The following BNC2 variants were observed in gnomAD, a reference collection of about 807,000 sequenced individuals.
The protein encoded by BNC2 is zinc finger protein basonuclin-2.
In BNC2, 20 loss-of-function variants were observed where a neutral mutation model predicts 76.3. That is an observed-to-expected ratio of 0.26 (90% confidence interval 0.18 to 0.38). The LOEUF (loss-of-function observed/expected upper bound fraction) is 0.38, where lower values mean the gene tolerates loss of function less well. Ranked by LOEUF, BNC2 falls within the 10% of genes least tolerant of loss-of-function variation. The pLI is 1.00. For synonymous variants in BNC2, 582 were observed against 514.8 expected, an observed-to-expected ratio of 1.13 and a Z score of -1.77; for missense variants, 1,382 against 1,399.8, an observed-to-expected ratio of 0.99 and a Z score of 0.20.
chr9:16,809,833 C>G (rs1161117951), intron 1 of BNC2, among the ~76,000 whole-genome samples: 1 of 152,148 alleles, frequency 6.6e-6, no homozygotes, highest in Non-Finnish European at 1.5e-5. Context: ...TCTTCTGACT[C>G]AAAATTCTGA....
intron 3 of BNC2, among the ~76,000 whole-genome samples, chr9:16,704,092 T>C (rs1363567596): frequency 6.6e-6 from 1 of 152,142 alleles, no homozygotes. Flanking sequence ...CTCCTATACA[T>C]TGGGGGAAAA....
intron 3 of BNC2, among the ~76,000 whole-genome samples, chr9:16,707,774 T>C (rs1007651705): frequency 6.6e-6 from 1 of 152,158 alleles, no homozygotes; most frequent in African/African-American, 2.4e-5. Flanking sequence ...CCTGAGTAGC[T>C]GGGACTACAA....
At chr9:16,681,075 T>C (rs927301033) in intron 3 of BNC2, among the ~76,000 whole-genome samples, 3 of 152,194 alleles carry the variant, frequency 2.0e-5, no homozygotes, top group African/African-American at 7.2e-5. Context: ...GGAAGTCCTG[T>C]GAAACCAACA....
chr9:16,638,078 T>G (rs1420583262), intron 3 of BNC2, among the ~76,000 whole-genome samples: 2 of 152,200 alleles, frequency 1.3e-5, no homozygotes, highest in Non-Finnish European at 2.9e-5. Flanking sequence ...AATGATTGCT[T>G]CAAGCTAAAT....
intron 4 of BNC2, among the ~76,000 whole-genome samples, chr9:16,567,210 GAACAGAATTGCCATAAGGAC>G (rs1819195602): frequency 2.0e-5 from 3 of 152,250 alleles, no homozygotes; most frequent in African/African-American, 7.2e-5. Context: ...ATTTATGTGG[GAACAGAATTGCCATAAGGAC>G]AACAGCTGAG....
intron 1 of BNC2, among the ~76,000 whole-genome samples, chr9:16,745,848 G>C (rs1411919159): frequency 2.0e-5 from 3 of 152,118 alleles, no homozygotes; most frequent in Non-Finnish European, 4.4e-5. Flanking sequence ...TACAGACATG[G>C]GCTTTGAGAC....
chr9:16,483,300 C>G (rs1019540465), intron 5 of BNC2, among the ~76,000 whole-genome samples: 6 of 152,196 alleles, frequency 3.9e-5, no homozygotes, highest in African/African-American at 1.4e-4. Context: ...TATTTCATTT[C>G]CTTACATACT....
At chr9:16,861,037 C>CA (rs11306929) in intron 1 of BNC2, among the ~76,000 whole-genome samples, 42 of 144,240 alleles carry the variant, frequency 2.9e-4, no homozygotes, top group African/African-American at 7.8e-4. Context: ...GACTCTGTCT[C>CA]AAAAAAAAAA....
chr9:16,555,832 C>G (rs1230735830), intron 4 of BNC2, among the ~76,000 whole-genome samples: 1 of 140,852 alleles, frequency 7.1e-6, no homozygotes, highest in Non-Finnish European at 1.5e-5. Context: ...CTGTTATAAA[C>G]CACATAAATA....
intron 1 of BNC2, among the ~76,000 whole-genome samples, chr9:16,747,422 T>C (rs543620668): frequency 6.6e-6 from 1 of 152,212 alleles, no homozygotes; most frequent in African/African-American, 2.4e-5. Context: ...GTCAAGGAGA[T>C]GGAACTTTAT....
chr9:16,502,591 T>C (rs2131803669), intron 5 of BNC2, among the ~76,000 whole-genome samples: 1 of 152,272 alleles, frequency 6.6e-6, no homozygotes, highest in African/African-American at 2.4e-5. Flanking sequence ...ATGGCTTACT[T>C]GAAGAATATC....
At chr9:16,714,313 T>C (rs1328933653) in intron 3 of BNC2, among the ~76,000 whole-genome samples, 1 of 152,220 alleles carries the variant, frequency 6.6e-6, no homozygotes, top group Non-Finnish European at 1.5e-5. Flanking sequence ...AAGGGGTATA[T>C]TCTTTTATCC....
chr9:16,844,404 A>C (rs1250932500), intron 1 of BNC2, among the ~76,000 whole-genome samples: 1 of 151,998 alleles, frequency 6.6e-6, no homozygotes, highest in African/African-American at 2.4e-5. Context: ...CCTTAAAAAA[A>C]ATCAACATTC....
chr9:16,695,198 CT>C (rs1823301295), intron 3 of BNC2, among the ~76,000 whole-genome samples: 1 of 152,024 alleles, frequency 6.6e-6, no homozygotes, highest in African/African-American at 2.4e-5. Flanking sequence ...TTCTTTTTTG[CT>C]TTTCTTTTGG....
intron 5 of BNC2, among the ~76,000 whole-genome samples, chr9:16,496,835 C>T (rs1329504621): frequency 6.6e-6 from 1 of 152,204 alleles, no homozygotes; most frequent in South Asian, 2.1e-4. Flanking sequence ...CAAGCCGATG[C>T]TGTATTTACC....
At chr9:16,488,246 T>C (rs1822206527) in intron 5 of BNC2, among the ~76,000 whole-genome samples, 1 of 152,166 alleles carries the variant, frequency 6.6e-6, no homozygotes, top group Non-Finnish European at 1.5e-5. Context: ...ACGTACTATA[T>C]CTTGATATTC....
chr9:16,817,400 A>G (rs1818212373), intron 1 of BNC2, among the ~76,000 whole-genome samples: 1 of 152,234 alleles, frequency 6.6e-6, no homozygotes, highest in Admixed American at 6.5e-5. Flanking sequence ...AAATAGTAAC[A>G]GCAATTAATC....
chr9:16,864,826 T>C (rs554921090), intron 1 of BNC2, among the ~76,000 whole-genome samples: 4 of 151,908 alleles, frequency 2.6e-5, no homozygotes, highest in African/African-American at 9.7e-5. Context: ...TTCCAGACAG[T>C]GAAGCTGCAC....
At chr9:16,667,116 C>T (rs1200147236) in intron 3 of BNC2, among the ~76,000 whole-genome samples, 7 of 151,884 alleles carry the variant, frequency 4.6e-5, no homozygotes, top group Non-Finnish European at 1.0e-4. Flanking sequence ...CACGCACACA[C>T]GCACACACGC....
Sources: gnomAD v4.1 joint callset for allele counts (sites outside exome capture counted in the v4.1 genomes callset) on GRCh38, gnomAD v4.1.1 for gene constraint, MANE v1.5 for transcripts, NCBI Gene and HGNC (gene_info 2026-07-23, HGNC 2026-07-21) for gene names.